The following SLFN12L variants were observed in gnomAD, a reference collection of about 807,000 sequenced individuals.
The protein encoded by SLFN12L is schlafen family member 12 like.
In SLFN12L, 34 loss-of-function variants were observed where a neutral mutation model predicts 34.8. The ratio of observed to expected loss-of-function variants is 0.98; its 90% CI spans 0.74 to 1.30. The LOEUF (loss-of-function observed/expected upper bound fraction) is 1.30. Among genes scored for constraint, SLFN12L ranks in the 50% most tolerant of loss-of-function variants. SLFN12L has a pLI of 0.00. For synonymous variants in SLFN12L, 259 were observed against 247.5 expected (o/e 1.05, Z -0.44); for missense variants, 703 against 696.2 (o/e 1.01, Z -0.11).
chr17:35,511,933 T>C (rs1458831073), intron 2 of SLFN12L, among the ~76,000 whole-genome samples: 1 of 152,230 alleles, frequency 6.6e-6, no homozygotes, highest in African/African-American at 2.4e-5. Flanking sequence ...AAGTTTTTTT[T>C]GTAAGTGTAC....
chr17:35,530,846 A>G (rs2072404664), intron 1 of SLFN12L, among the ~76,000 whole-genome samples: 2 of 152,170 alleles, frequency 1.3e-5, no homozygotes, highest in African/African-American at 4.8e-5. Context: ...CATGCCGTGA[A>G]AACATTTCGT....
In SLFN12L at chr17:35,470,981, G is replaced by T. The variant is rs908675018; in HGVS notation, c.*3942C>A. ...CCAGCTTCATCCATGTCCCTGCAAA[G>T]GTCATGATCTCATTCCTTTTTATGG... On this transcript the variant is annotated 3_prime_UTR_variant, in exon 5 of 5. Transcript: ENST00000628453. Among the ~76,000 whole-genome samples, 1 of 152,070 alleles carries T rather than the reference G, an allele frequency of 6.6e-6. No homozygotes were observed. Among genetic ancestry groups the T allele is most frequent in the Non-Finnish European group, 1.5e-5 (1 of 68,014 alleles).
chr17:35,479,301 G>A lies in SLFN12L; in HGVS notation c.981C>T (p.Tyr327=), dbSNP rs541847835. ...HFCVEKGTIN[Y]LCKFLGVYDK... is the part of the protein sequence containing the mutation. ...CATATACTCCAAGGAATTTGCATAA[G>A]TAATTTATCGTCCCCTTCTCCACAC... Residue 327 remains tyrosine, a synonymous_variant, in exon 3 of 5, where the codon TAC becomes TAT. Transcript: ENST00000628453. The A allele has an allele frequency of 8.8e-6, 14 of 1,586,806 alleles. No individual in the cohort carries two copies. The highest frequency in any genetic ancestry group is 1.7e-4 in the Middle Eastern group (1 of 6,038).
chr17:35,467,529 A>G lies in SLFN12L; in HGVS notation c.*7394T>C, dbSNP rs148723201. Among the ~76,000 whole-genome samples, 3,082 of 152,326 alleles carry G rather than the reference A, an allele frequency of 0.02. 140 individuals carry two copies. The highest frequency in any genetic ancestry group is 0.19 in the South Asian group (896 of 4,830). ...CAAACAGGCATTCAATAAAACTTTCATGACCCTAATAGGTCCCAAATAGCC... is the reference window on the plus strand; with the variant it reads ...CAAACAGGCATTCAATAAAACTTTCGTGACCCTAATAGGTCCCAAATAGCC... On this transcript the variant is annotated 3_prime_UTR_variant, in exon 5 of 5. Coordinates refer to ENST00000628453, the MANE Select transcript of SLFN12L (RefSeq NM_001363830.2).
intron 2 of SLFN12L, chr17:35,487,910 T>C (rs981229642): frequency 8.0e-6 from 6 of 752,688 alleles, no homozygotes; most frequent in Non-Finnish European, 1.2e-5. Flanking sequence ...TTGGAAACGG[T>C]GTGTCTGCGA....
At position 35,464,700 on chromosome 17, in the gene SLFN12L, T is replaced by G. The variant is rs914939597; in HGVS notation, c.*10223A>C. The G allele has an allele frequency of 5.9e-5, 9 of 152,136 alleles. No individual in the cohort carries two copies. Among genetic ancestry groups the G allele is most frequent in the Non-Finnish European group, 8.8e-5 (6 of 68,028 alleles). The allele number at this position is 152,136 out of a possible 1,614,324, so 9.4% of individuals were successfully genotyped here. ...AGCATTTAGGTTAATATAGACATAA[T>G]GAATAGATTGTACATGTACATAGAT... On this transcript the variant is annotated 3_prime_UTR_variant, in exon 5 of 5. Transcript: ENST00000628453.
intron 1 of SLFN12L, among the ~76,000 whole-genome samples, chr17:35,536,739 G>A (rs541944626): frequency 7.8e-4 from 118 of 151,704 alleles, no homozygotes; most frequent in Non-Finnish European, 1.3e-3. Flanking sequence ...GCCTAGGGAG[G>A]TTGAGACTGC....
At position 35,471,230 on chromosome 17, in the gene SLFN12L, G is replaced by A. The variant is rs1396191894; in HGVS notation, c.*3693C>T. Among the ~76,000 whole-genome samples, 4 of 151,424 alleles carry A rather than the reference G, an allele frequency of 2.6e-5. No homozygotes were observed. Among genetic ancestry groups the A allele is most frequent in the Non-Finnish European group, 5.9e-5 (4 of 67,890 alleles). ...TGGCTCACTGCAACCTCTGCCTCCC[G>A]GGTTCAAGCAATTTTCATGTCTCAG... On this transcript the variant is annotated 3_prime_UTR_variant, in exon 5 of 5. Transcript: ENST00000628453.
At chr17:35,532,082 T>C (rs2072416672) in intron 1 of SLFN12L, among the ~76,000 whole-genome samples, 1 of 152,214 alleles carries the variant, frequency 6.6e-6, no homozygotes, top group Non-Finnish European at 1.5e-5. Flanking sequence ...TCTAAAATCA[T>C]ACCTGAGAAA....
chr17:35,498,497 T>C (rs1915179044), intron 2 of SLFN12L: 12 of 1,200,570 alleles, frequency 1.0e-5, no homozygotes, highest in Non-Finnish European at 1.4e-5. Context: ...AAGTGATGCC[T>C]CTCCTTTATC....
intron 2 of SLFN12L, 86 bp from the exon 3 acceptor site, chr17:35,480,281 C>T (rs1914276185): frequency 1.8e-6 from 2 of 1,081,118 alleles, no homozygotes; most frequent in Non-Finnish European, 1.3e-6. Context: ...AAATCCTTTA[C>T]TGTATATTTT....
intron 2 of SLFN12L, chr17:35,491,102 C>A (rs929652120): frequency 2.6e-6 from 2 of 777,962 alleles, no homozygotes; most frequent in Admixed American, 3.5e-5. Flanking sequence ...GCCTCCCCTG[C>A]TGCAAGATGA....
intron 2 of SLFN12L, among the ~76,000 whole-genome samples, chr17:35,494,889 T>TTTTA (rs3087173): frequency 0.17 from 25,340 of 146,780 alleles, 2,288 homozygotes; most frequent in South Asian, 0.25. Context: ...AATTTATTTA[T>TTTTA]TTTATTTATT....
chr17:35,495,626 G>A (rs902816932), intron 2 of SLFN12L, among the ~76,000 whole-genome samples: 1 of 151,998 alleles, frequency 6.6e-6, no homozygotes, highest in South Asian at 2.1e-4. Flanking sequence ...CTCTCCCCGG[G>A]GTGGGTTGCG....
At chr17:35,488,758 A>C (rs1359084799) in intron 2 of SLFN12L, among the ~76,000 whole-genome samples, 1 of 152,162 alleles carries the variant, frequency 6.6e-6, no homozygotes, top group African/African-American at 2.4e-5. Context: ...CTTCACACTG[A>C]ATGAGCACAT....
intron 2 of SLFN12L, among the ~76,000 whole-genome samples, chr17:35,505,007 C>G (rs1408956903): frequency 6.6e-6 from 1 of 152,146 alleles, no homozygotes; most frequent in Non-Finnish European, 1.5e-5. Flanking sequence ...GCAAGAGAAG[C>G]CCCTTATGGG....
At position 35,475,808 on chromosome 17, in the gene SLFN12L, G is replaced by A. The variant is rs182724838; in HGVS notation, c.1277-323C>T. Among the ~76,000 whole-genome samples the A allele has an allele frequency of 3.9e-3, 594 of 152,116 alleles. 7 individuals are homozygous for A. Among genetic ancestry groups the A allele is most frequent in the African/African-American group, 0.014 (567 of 41,498 alleles). On this transcript the variant is annotated intron_variant, in intron 4 of 4. Coordinates refer to ENST00000628453, the MANE Select transcript of SLFN12L (RefSeq NM_001363830.2). ...CCAGCTACTTGGGAGGCTGAGGTGG[G>A]AGGATCACTTGAGCCCAGGAAGTTG...
rs1447739937 is a variant in SLFN12L at position 35,469,658 on chromosome 17, C to A, written c.*5265G>T. 2.6e-5 allele frequency among the ~76,000 whole-genome samples: 4 copies of A among 152,064 alleles called. No individual in the cohort carries two copies. The highest frequency in any genetic ancestry group is 9.7e-5 in the African/African-American group (4 of 41,392). ...GGGTCTTACTGTGTTTTCCTAGGTT[C>A]TGTACTTGTCTATTTGGCATCCATT... is the stretch of plus-strand genomic sequence containing the variant. On this transcript the variant is annotated 3_prime_UTR_variant, in exon 5 of 5. Transcript: ENST00000628453.
At chr17:35,490,961 A>C in intron 2 of SLFN12L, 1 of 783,012 alleles carries the variant, frequency 1.3e-6, no homozygotes, top group Non-Finnish European at 2.4e-6. Flanking sequence ...GGTTTCAACC[A>C]ACTCAGGACA....
Sources: allele counts gnomAD v4.1 joint callset (sites outside exome capture counted in the v4.1 genomes callset), GRCh38; gene constraint gnomAD v4.1.1; transcripts MANE v1.5; gene names NCBI Gene and HGNC (gene_info 2026-07-23, HGNC 2026-07-21).